The following SBF2 variants were observed in gnomAD, a reference collection of about 807,000 sequenced individuals.
SBF2 encodes the protein SET binding factor 2, also known as myotubularin-related protein 13.
In SBF2, 112 loss-of-function variants were observed where a neutral mutation model predicts 225.2. The observed-to-expected ratio is 0.50, with a 90% CI of 0.43 to 0.58. The LOEUF is 0.58. Ranked by LOEUF, SBF2 falls within the 20% of genes least tolerant of loss-of-function variation. SBF2 has a pLI of 0.00. For synonymous variants in SBF2, 763 were observed against 773.3 expected (o/e 0.99, Z 0.22); for missense variants, 1,996 against 2,206.2 (o/e 0.90, Z 1.91).
chr11:9,884,244 G>A (rs1035159076), intron 17 of SBF2, among the ~76,000 whole-genome samples: 2 of 152,210 alleles, frequency 1.3e-5, no homozygotes, highest in African/African-American at 4.8e-5. Context: ...ATTGAATACT[G>A]GATCATCAAT....
intron 16 of SBF2, among the ~76,000 whole-genome samples, chr11:9,950,175 T>C (rs1865779560): frequency 6.6e-6 from 1 of 151,716 alleles, no homozygotes; most frequent in Non-Finnish European, 1.5e-5. Context: ...CCTGAGATCA[T>C]GAAATTCAGA....
At chr11:10,015,024 G>C (rs547392538) in intron 6 of SBF2, among the ~76,000 whole-genome samples, 45 of 152,240 alleles carry the variant, frequency 3.0e-4, no homozygotes, top group African/African-American at 1.0e-3. Context: ...TCAGCTACTT[G>C]GGTGGACGCT....
chr11:9,940,166 G>A (rs1307206528), intron 16 of SBF2, among the ~76,000 whole-genome samples: 1 of 152,198 alleles, frequency 6.6e-6, no homozygotes, highest in Non-Finnish European at 1.5e-5. Context: ...CACTTTGGAA[G>A]GCTGAGGCAG....
intron 17 of SBF2, among the ~76,000 whole-genome samples, chr11:9,890,122 C>T (rs1860674048): frequency 6.6e-6 from 1 of 152,232 alleles, no homozygotes; most frequent in Non-Finnish European, 1.5e-5. Flanking sequence ...CCAGGCTGGA[C>T]TTGAACTCCT....
intron 1 of SBF2, among the ~76,000 whole-genome samples, chr11:10,236,373 G>A (rs1304148765): frequency 6.6e-6 from 1 of 152,266 alleles, no homozygotes; most frequent in African/African-American, 2.4e-5. Flanking sequence ...GACGGTGGGA[G>A]AACCACTTGG....
intron 1 of SBF2, among the ~76,000 whole-genome samples, chr11:10,234,764 C>T (rs1268128190): frequency 6.6e-6 from 1 of 152,116 alleles, no homozygotes; most frequent in Non-Finnish European, 1.5e-5. Context: ...AATAATCCTC[C>T]ATCTCTATGA....
chr11:10,235,041 G>A (rs1478641851), intron 1 of SBF2, among the ~76,000 whole-genome samples: 1 of 152,182 alleles, frequency 6.6e-6, no homozygotes, highest in African/African-American at 2.4e-5. Context: ...AGAAACAGGT[G>A]TGAGTAAGCA....
chr11:10,261,119 T>A lies in SBF2; in HGVS notation c.55+32896A>T, dbSNP rs531482717. Among the ~76,000 whole-genome samples the A allele has an allele frequency of 3.3e-5, 5 of 152,296 alleles. No individual in the cohort carries two copies. In the South Asian group the frequency reaches 1.0e-3, roughly 32 times the overall value. On this transcript the variant is annotated intron_variant, in intron 1 of 39. Transcript: ENST00000256190. ...AAAATCACAATGAGATACTAGTACA[T>A]ATACCTCAAAATGGCTAAAATCAAA...
intron 17 of SBF2, among the ~76,000 whole-genome samples, chr11:9,872,200 C>G (rs76536288): frequency 0.092 from 14,020 of 152,226 alleles, 697 homozygotes; most frequent in East Asian, 0.18. Context: ...CTATTATCCT[C>G]AGCAAACTAA....
At chr11:10,009,156 C>T (rs1045026012) in intron 6 of SBF2, among the ~76,000 whole-genome samples, 5 of 152,156 alleles carry the variant, frequency 3.3e-5, no homozygotes, top group African/African-American at 9.7e-5. Flanking sequence ...GTGAACTGCC[C>T]ATGGACTGTC....
At chr11:9,916,882 C>T (rs1021513259) in intron 16 of SBF2, among the ~76,000 whole-genome samples, 5 of 148,162 alleles carry the variant, frequency 3.4e-5, no homozygotes, top group Non-Finnish European at 4.4e-5. Context: ...CCATGCCTGA[C>T]CCTGAACTTG....
chr11:10,203,134 G>A (rs1035775566), intron 1 of SBF2, among the ~76,000 whole-genome samples: 1 of 152,056 alleles, frequency 6.6e-6, no homozygotes, highest in African/African-American at 2.4e-5. Context: ...AAGCAATTGA[G>A]GTGGGAATCT....
chr11:10,032,602 C>G (rs1167396255), intron 3 of SBF2, among the ~76,000 whole-genome samples: 1 of 152,206 alleles, frequency 6.6e-6, no homozygotes, highest in African/African-American at 2.4e-5. Context: ...AACTGCAATG[C>G]CCTAACACTC....
At chr11:10,167,393 G>T (rs773447234) in intron 2 of SBF2, among the ~76,000 whole-genome samples, 3 of 151,916 alleles carry the variant, frequency 2.0e-5, no homozygotes, top group Non-Finnish European at 2.9e-5. Context: ...CTGAACCCTG[G>T]TCTCTACAAA....
chr11:9,817,321 A>G (rs1361768370), intron 28 of SBF2, among the ~76,000 whole-genome samples: 1 of 152,208 alleles, frequency 6.6e-6, no homozygotes, highest in Non-Finnish European at 1.5e-5. Flanking sequence ...TCTTAAGCAG[A>G]AACAGTACAT....
intron 1 of SBF2, among the ~76,000 whole-genome samples, chr11:10,210,356 AAGG>A (rs1957894253): frequency 6.6e-6 from 1 of 151,766 alleles, no homozygotes; most frequent in African/African-American, 2.4e-5. Context: ...AAGAGGAAGA[AAGG>A]AGGAGGAGGG....
At chr11:9,932,304 A>G (rs1351463319) in intron 16 of SBF2, among the ~76,000 whole-genome samples, 2 of 152,212 alleles carry the variant, frequency 1.3e-5, no homozygotes, top group African/African-American at 4.8e-5. Context: ...CTCCTCGAGA[A>G]GAGCAACCCC....
At chr11:10,236,419 C>A (rs1192732382) in intron 1 of SBF2, among the ~76,000 whole-genome samples, 1 of 152,134 alleles carries the variant, frequency 6.6e-6, no homozygotes, top group Non-Finnish European at 1.5e-5. Context: ...GCTATGATTA[C>A]ACCACTGTAC....
chr11:10,158,090 T>C (rs1321022082), intron 2 of SBF2, among the ~76,000 whole-genome samples: 1 of 151,952 alleles, frequency 6.6e-6, no homozygotes, highest in Non-Finnish European at 1.5e-5. Context: ...AAGCAACCAA[T>C]GTATCGAAGA....
Sources: allele counts gnomAD v4.1 joint callset (sites outside exome capture counted in the v4.1 genomes callset), GRCh38; gene constraint gnomAD v4.1.1; transcripts MANE v1.5; gene names NCBI Gene and HGNC (gene_info 2026-07-23, HGNC 2026-07-21).